Variants in RNF6 observed in about 807,000 individuals in gnomAD.
RNF6 encodes ring finger protein 6.
In RNF6, 21 loss-of-function variants were observed where a neutral mutation model predicts 50.1. That is an observed-to-expected ratio of 0.42 (90% CI 0.30 to 0.60). The LOEUF (loss-of-function observed/expected upper bound fraction) is 0.60, where lower values mean the gene tolerates loss of function less well. RNF6 is among the 20% of genes least tolerant of loss of function. The pLI is 0.20. For missense variants in RNF6, 698 were observed against 838.2 expected, an observed-to-expected ratio of 0.83 and a Z score of 2.07; for synonymous variants, 255 against 291.8, an observed-to-expected ratio of 0.87 and a Z score of 1.29.
downstream of RNF6, among the ~76,000 whole-genome samples, chr13:26,209,151 C>G (rs959856121): frequency 9.2e-5 from 14 of 152,114 alleles, 1 homozygote; most frequent in Non-Finnish European, 1.0e-4. Flanking sequence ...TGTGACTGTC[C>G]GGCATTATGG....
At chr13:26,151,616 TTTTTC>T (rs1159459839) in intron 5 of RNF6, among the ~76,000 whole-genome samples, 13 of 42,104 alleles carry the variant, frequency 3.1e-4, no homozygotes, top group Admixed American at 7.0e-4. Context: ...TTTTTTTCTT[TTTTTC>T]TTTTTTTTTT....
At chr13:26,212,104 T>A (rs970642874), downstream of RNF6, among the ~76,000 whole-genome samples, 2 of 152,210 alleles carry the variant, frequency 1.3e-5, no homozygotes, top group Non-Finnish European at 2.9e-5. Context: ...GTTCTCTTAT[T>A]GGTTTCTTTG....
chr13:26,136,945 TGTGA>T (rs1278623399), intron 5 of RNF6, among the ~76,000 whole-genome samples: 2 of 152,202 alleles, frequency 1.3e-5, no homozygotes, highest in Non-Finnish European at 2.9e-5. Context: ...TGGTAAGAGC[TGTGA>T]GCTTTGTGAT....
chr13:26,165,489 A>G (rs1872409051), intron 5 of RNF6, among the ~76,000 whole-genome samples: 1 of 152,152 alleles, frequency 6.6e-6, no homozygotes, highest in Admixed American at 6.5e-5. Context: ...ACAATTGTAG[A>G]TCCACTGACA....
chr13:26,203,167 G>A (rs1868960489), intron 5 of RNF6, among the ~76,000 whole-genome samples: 3 of 152,214 alleles, frequency 2.0e-5, no homozygotes, highest in Non-Finnish European at 1.5e-5. Flanking sequence ...CCTCTCGAGA[G>A]CATCCTGTTC....
intron 5 of RNF6, among the ~76,000 whole-genome samples, chr13:26,138,098 A>C (rs1870743257): frequency 6.6e-6 from 1 of 152,210 alleles, no homozygotes; most frequent in Non-Finnish European, 1.5e-5. Context: ...AGAATCTTGA[A>C]AGCAAGAAAG....
chr13:26,212,832 A>G lies in RNF6; in HGVS notation c.*992T>C, dbSNP rs935992793. On this transcript the variant is annotated 3_prime_UTR_variant, in exon 5 of 5. Coordinates refer to ENST00000381588, the MANE Select transcript of RNF6 (RefSeq NM_005977.4). ...TTCAATGCATACTTTGTGTTTATAT[A>G]AACTCTACATTCTCTTAAAGGTTTT... The G allele has an allele frequency of 1.3e-5, 2 of 152,424 alleles. No individual in the cohort carries two copies. The highest frequency in any genetic ancestry group is 4.8e-5 in the African/African-American group (2 of 41,370). 9.4% of individuals were successfully genotyped at this position (152,424 alleles called of 1,614,324 possible).
At chr13:26,201,865 C>G (rs1421164127) in intron 5 of RNF6, among the ~76,000 whole-genome samples, 3 of 152,104 alleles carry the variant, frequency 2.0e-5, no homozygotes, top group Non-Finnish European at 4.4e-5. Context: ...TTGGTTTCAT[C>G]CTTTGAGAGC....
At position 26,157,220 on chromosome 13, in the gene RNF6, G is replaced by A. The variant is rs182235513; in HGVS notation, n.769-24769C>T. On this transcript the variant is annotated intron_variant and non_coding_transcript_variant, in intron 5 of 5. Coordinates refer to the RNF6 transcript ENST00000468480. ...ACACTTTAAATTGGGCAAATTAAAT[G>A]ATATGTAAATTTTATCCCAATAAAG... Among the ~76,000 whole-genome samples, 76 of 152,046 alleles carry A rather than the reference G, an allele frequency of 5.0e-4. No homozygotes were observed. The East Asian group carries it at 0.014, about 28-fold the overall frequency.
chr13:26,203,110 T>C (rs1474376931), intron 5 of RNF6, among the ~76,000 whole-genome samples: 2 of 152,240 alleles, frequency 1.3e-5, no homozygotes, highest in African/African-American at 4.8e-5. Flanking sequence ...GGCCATGAGC[T>C]GACATCTGTC....
At chr13:26,132,566 G>A in intron 5 of RNF6, 1 of 352,586 alleles carries the variant, frequency 2.8e-6, no homozygotes, top group Non-Finnish European at 5.7e-6. Flanking sequence ...AAAATGTATT[G>A]CACTCACTAG....
chr13:26,164,762 C>T (rs1386201967), intron 5 of RNF6, among the ~76,000 whole-genome samples: 2 of 152,060 alleles, frequency 1.3e-5, no homozygotes, highest in African/African-American at 2.4e-5. Flanking sequence ...TGCTTTCCCA[C>T]GTATTACTGT....
In RNF6 at chr13:26,215,204, T is replaced by A; in HGVS notation, c.678A>T (p.Glu226Asp). 1 of 1,614,234 alleles carries A rather than the reference T, an allele frequency of 6.2e-7. No homozygotes were observed. Among genetic ancestry groups the A allele is most frequent in the Admixed American group, 1.7e-5 (1 of 60,026 alleles). Residue 226 changes from glutamate (E) to aspartate (D), a missense_variant, in exon 5 of 5, where the codon GAA becomes GAT. Coordinates refer to ENST00000381588, the MANE Select transcript of RNF6 (RefSeq NM_005977.4). ...RLASRGQNPA[E>D]GSFSTLGRLR... ...ACCTTCCCAATGTTGAGAAAGATCCTTCAGCTGGATTTTGCCCCCTTGAAG... is the reference window on the plus strand; with the variant it reads ...ACCTTCCCAATGTTGAGAAAGATCCATCAGCTGGATTTTGCCCCCTTGAAG...
At chr13:26,203,352 A>G (rs1868967187) in intron 5 of RNF6, among the ~76,000 whole-genome samples, 1 of 152,250 alleles carries the variant, frequency 6.6e-6, no homozygotes, top group Admixed American at 6.5e-5. Flanking sequence ...AATAGATAAT[A>G]GATTGCAGGT....
chr13:26,173,032 A>C (rs1593165656), intron 5 of RNF6, among the ~76,000 whole-genome samples: 1 of 152,228 alleles, frequency 6.6e-6, no homozygotes, highest in Non-Finnish European at 1.5e-5. Context: ...TTATATGAGA[A>C]CATGCACAAA....
At position 26,203,368 on chromosome 13, in the gene RNF6, G is replaced by C. The variant is rs1415676410; in HGVS notation, n.768+12106C>G. Among the ~76,000 whole-genome samples, 8 of 152,352 alleles carry C rather than the reference G, an allele frequency of 5.3e-5. No individual in the cohort carries two copies. In the East Asian group the frequency reaches 1.2e-3, roughly 22 times the overall value. On this transcript the variant is annotated intron_variant and non_coding_transcript_variant, in intron 5 of 5. Coordinates refer to the RNF6 transcript ENST00000468480. Reference sequence around the variant, plus strand: ...ATAGATAATAGATTGCAGGTGGTTTGGGAGAGCAAAGGAGGATTCGGGCTA... The same window carrying C: ...ATAGATAATAGATTGCAGGTGGTTTCGGAGAGCAAAGGAGGATTCGGGCTA...
intron 5 of RNF6, among the ~76,000 whole-genome samples, chr13:26,173,528 T>G (rs1372832383): frequency 6.6e-6 from 1 of 152,144 alleles, no homozygotes; most frequent in African/African-American, 2.4e-5. Flanking sequence ...CATATTTTGC[T>G]TATGGATAGA....
At chr13:26,201,538 T>C (rs1455603962) in intron 5 of RNF6, among the ~76,000 whole-genome samples, 2 of 152,152 alleles carry the variant, frequency 1.3e-5, no homozygotes, top group African/African-American at 4.8e-5. Context: ...GAATATTCCA[T>C]TTGCAGATGG....
At chr13:26,178,816 A>G (rs1170738693) in intron 5 of RNF6, among the ~76,000 whole-genome samples, 1 of 152,050 alleles carries the variant, frequency 6.6e-6, no homozygotes, top group Non-Finnish European at 1.5e-5. Context: ...CCTGGCAGCC[A>G]GCATTCTACT....
Sources: gnomAD v4.1 joint callset for allele counts (sites outside exome capture counted in the v4.1 genomes callset) on GRCh38, gnomAD v4.1.1 for gene constraint, MANE v1.5 for transcripts, NCBI Gene and HGNC (gene_info 2026-07-23, HGNC 2026-07-21) for gene names.